TASP1: variants seen among roughly 807,000 people sequenced by gnomAD.
TASP1 encodes taspase 1, also known as threonine aspartase 1.
TASP1 carries 16 observed loss-of-function variants against 56.6 expected under a neutral mutation model. The ratio of observed to expected loss-of-function variants is 0.28; its 90% confidence interval spans 0.19 to 0.43. The LOEUF (loss-of-function observed/expected upper bound fraction) is 0.43. TASP1 is among the 20% of genes least tolerant of loss of function. The probability of loss-of-function intolerance (pLI) is 1.00; values close to 1 mark genes in which losing one functional copy is unlikely to be tolerated. For synonymous variants in TASP1, 179 were observed against 184.2 expected (o/e 0.97, Z 0.23); for missense variants, 393 against 511.6 (o/e 0.77, Z 2.24).
chr20:13,254,092 G>A, the TASP1 span, among the ~76,000 whole-genome samples: 1 of 150,150 alleles, frequency 6.7e-6, no homozygotes, highest in South Asian at 2.1e-4. Context: ...CAAACATTAG[G>A]CATGGTGGTA....
At chr20:13,464,903 C>T (rs1000707180) in intron 11 of TASP1, among the ~76,000 whole-genome samples, 2 of 152,006 alleles carry the variant, frequency 1.3e-5, no homozygotes, top group African/African-American at 4.8e-5. Context: ...TGACTCATGC[C>T]TGTAATCCCA....
the TASP1 span, among the ~76,000 whole-genome samples, chr20:13,257,340 A>C: frequency 0.01 from 1,529 of 152,056 alleles, 27 homozygotes; most frequent in African/African-American, 0.035. Context: ...CATGGTGAAA[A>C]CCTGTCTCTA....
chr20:13,239,517 G>T, the TASP1 span: 1 of 152,228 alleles, frequency 6.6e-6, no homozygotes, highest in Non-Finnish European at 1.5e-5. Flanking sequence ...AACGTTCTGT[G>T]TCTTGGTCCT....
rs557787040 is a variant in TASP1, at chr20:13,401,069, C to T, written c.1171-10617G>A. 3.0e-3 allele frequency among the ~76,000 whole-genome samples: 450 copies of T among 152,238 alleles called. 4 individuals are homozygous for T. The highest frequency in any genetic ancestry group is 4.2e-3 in the Non-Finnish European group (283 of 68,020). On this transcript the variant is annotated intron_variant, in intron 13 of 13. Transcript: ENST00000337743. Reference sequence around the variant, plus strand: ...GTGGAAGTGAAGCGCCCAGGCTTCACCAAACAGGGCGGCTACCACCTGGCT... The same window carrying T: ...GTGGAAGTGAAGCGCCCAGGCTTCATCAAACAGGGCGGCTACCACCTGGCT...
At chr20:13,405,640 G>A (rs1339019854) in intron 13 of TASP1, among the ~76,000 whole-genome samples, 1 of 152,048 alleles carries the variant, frequency 6.6e-6, no homozygotes, top group Non-Finnish European at 1.5e-5. Context: ...TCCGCCTCCT[G>A]GGTTCAAGTG....
At chr20:13,302,815 C>A in the TASP1 span, among the ~76,000 whole-genome samples, 99,345 of 152,014 alleles carry the variant, frequency 0.65, 33,640 homozygotes, top group African/African-American at 0.84. Flanking sequence ...GAGATGCCCA[C>A]GGCCCTCTAG....
chr20:13,281,832 T>C, the TASP1 span, among the ~76,000 whole-genome samples: 6 of 152,316 alleles, frequency 3.9e-5, no homozygotes, highest in South Asian at 6.2e-4. Flanking sequence ...CACAGAACGT[T>C]GTTTCTATGA....
chr20:13,235,718 C>A, the TASP1 span, among the ~76,000 whole-genome samples: 11 of 152,324 alleles, frequency 7.2e-5, no homozygotes, highest in African/African-American at 2.4e-4. Flanking sequence ...TGTCCTTTCA[C>A]TGCTTACAAA....
chr20:13,398,571 A>C (rs1485499873), intron 13 of TASP1, among the ~76,000 whole-genome samples: 1 of 152,184 alleles, frequency 6.6e-6, no homozygotes, highest in African/African-American at 2.4e-5. Context: ...CTTTAATACT[A>C]GCTGTACCTG....
chr20:13,414,536 G>T (rs1172344877), intron 13 of TASP1, among the ~76,000 whole-genome samples: 2 of 152,158 alleles, frequency 1.3e-5, no homozygotes, highest in Non-Finnish European at 2.9e-5. Flanking sequence ...TATAAAAAGT[G>T]ACCTCTACAT....
chr20:13,587,471 C>T, intron 4 of TASP1, 101 bp from the exon 5 acceptor site: 2 of 948,332 alleles, frequency 2.1e-6, no homozygotes, highest in Non-Finnish European at 3.1e-6. Context: ...TGAGAGAATA[C>T]TTTCCAACAC....
At chr20:13,377,921 C>A in the TASP1 span, among the ~76,000 whole-genome samples, 1 of 152,014 alleles carries the variant, frequency 6.6e-6, no homozygotes, top group African/African-American at 2.4e-5. Flanking sequence ...GTGATGATAT[C>A]CCCTTTATCA....
the TASP1 span, chr20:13,167,385 G>T: frequency 1.3e-5 from 2 of 150,396 alleles, no homozygotes; most frequent in African/African-American, 2.4e-5. Context: ...TGTGTCTTTG[G>T]TTAGATCTGT....
chr20:13,630,041 A>G lies in TASP1; in HGVS notation c.38T>C (p.Leu13Pro). Residue 13 changes from leucine (L) to proline (P), a missense_variant, in exon 2 of 14, where the codon CTG becomes CCG. Transcript: ENST00000337743. ...MEKGMSSGEG[L>P]PSRSSQVSAG... The stretch of plus-strand genomic sequence containing the variant: ...CGAAACCTGAGATGATCTGGAAGGC[A>G]GCCCTTCTCCAGAACTCATCCCCTT... The G allele has an allele frequency of 6.2e-7, 1 of 1,614,030 alleles. No individual in the cohort carries two copies. The highest frequency in any genetic ancestry group is 8.5e-7 in the Non-Finnish European group (1 of 1,180,002).
At chr20:13,412,733 T>C (rs544293571) in intron 13 of TASP1, among the ~76,000 whole-genome samples, 1 of 152,248 alleles carries the variant, frequency 6.6e-6, no homozygotes, top group African/African-American at 2.4e-5. Flanking sequence ...ATAAAACATG[T>C]TAGAACACAG....
At chr20:13,625,401 G>T (rs2070308) in intron 2 of TASP1, 149 bp from the exon 3 acceptor site, 1 of 510,762 alleles carries the variant, frequency 2.0e-6, no homozygotes, top group African/African-American at 2.0e-5. Context: ...TCTTACTCCA[G>T]TGTAAGCCTT....
chr20:13,275,595 T>C, the TASP1 span, among the ~76,000 whole-genome samples: 2 of 152,190 alleles, frequency 1.3e-5, no homozygotes, highest in Non-Finnish European at 2.9e-5. Flanking sequence ...TGTGCCTCAG[T>C]TTCCTTGTCT....
chr20:13,382,513 G>T, the TASP1 span, among the ~76,000 whole-genome samples: 1 of 152,128 alleles, frequency 6.6e-6, no homozygotes, highest in Non-Finnish European at 1.5e-5. Flanking sequence ...GGGTATCATG[G>T]TGTACACCTG....
At chr20:13,580,838 C>G (rs927495671) in intron 6 of TASP1, 59 bp downstream of exon 6, 5 of 1,549,140 alleles carry the variant, frequency 3.2e-6, no homozygotes, top group African/African-American at 2.7e-5. Context: ...ACAGCATCAG[C>G]CTTCTGTGGA....
Sources: gnomAD v4.1 joint callset for allele counts (sites outside exome capture counted in the v4.1 genomes callset) on GRCh38, gnomAD v4.1.1 for gene constraint, MANE v1.5 for transcripts, NCBI Gene and HGNC (gene_info 2026-07-23, HGNC 2026-07-21) for gene names.